The following APC variants were observed in gnomAD, a reference collection of about 807,000 sequenced individuals.
APC encodes the protein APC regulator of Wnt signaling pathway.
APC carries 72 observed loss-of-function variants against 247.0 expected under a neutral mutation model. That is an observed-to-expected ratio of 0.29 (90% CI 0.24 to 0.35). The LOEUF (loss-of-function observed/expected upper bound fraction) is 0.35. Among genes scored for constraint, APC ranks in the 10% least tolerant of loss-of-function variants. The probability of loss-of-function intolerance (pLI) is 1.00; values close to 1 mark genes in which losing one functional copy is unlikely to be tolerated. For synonymous variants in APC, 1,254 were observed against 1,162.5 expected (o/e 1.08, Z -1.60); for missense variants, 3,400 against 3,360.7 (o/e 1.01, Z -0.29).
At chr5:112,730,953 T>C (rs1752069478) in intron 1 of APC, among the ~76,000 whole-genome samples, 2 of 152,064 alleles carry the variant, frequency 1.3e-5, no homozygotes, top group African/African-American at 4.8e-5. Context: ...ATGTTTTATC[T>C]CTCTCTGCTT....
intron 9 of APC, among the ~76,000 whole-genome samples, chr5:112,816,723 G>A (rs988155185): frequency 9.9e-5 from 15 of 151,704 alleles, no homozygotes; most frequent in African/African-American, 3.6e-4. Flanking sequence ...AACCTGGGAG[G>A]CGGAGGTTGC....
intron 1 of APC, among the ~76,000 whole-genome samples, chr5:112,716,296 T>G (rs1244508685): frequency 1.3e-5 from 2 of 152,190 alleles, no homozygotes; most frequent in Non-Finnish European, 2.9e-5. Flanking sequence ...ATAATTCACT[T>G]AAGATGTTTT....
At chr5:112,792,984 A>G (rs1188719009) in intron 7 of APC, among the ~76,000 whole-genome samples, 1 of 152,158 alleles carries the variant, frequency 6.6e-6, no homozygotes, top group Non-Finnish European at 1.5e-5. Flanking sequence ...GCAGGTAAAC[A>G]AGTGATAACA....
At chr5:112,728,035 A>G (rs1242481560) in intron 1 of APC, among the ~76,000 whole-genome samples, 1 of 152,168 alleles carries the variant, frequency 6.6e-6, no homozygotes, top group Non-Finnish European at 1.5e-5. Context: ...AATGCGGCCC[A>G]ACACAAATTC....
At chr5:112,718,044 T>A (rs1010286325) in intron 1 of APC, among the ~76,000 whole-genome samples, 9 of 150,034 alleles carry the variant, frequency 6.0e-5, no homozygotes, top group Non-Finnish European at 1.2e-4. Flanking sequence ...ACTCATTCAG[T>A]AAATACCTAA....
chr5:112,711,742 G>A (rs1043362898), intron 1 of APC, among the ~76,000 whole-genome samples: 1 of 152,160 alleles, frequency 6.6e-6, no homozygotes, highest in African/African-American at 2.4e-5. Flanking sequence ...AAAACCCAAA[G>A]AGATGTTTTG....
At position 112,738,290 on chromosome 5, in the gene APC, A is replaced by G. The variant is rs1213634865; in HGVS notation, c.-19+365A>G. ...TAGAGGACAACAAAGAATGGAGCAT[A>G]TTCATGGCGAGGAGCAAAAGCTCTA... is the stretch of plus-strand genomic sequence containing the variant. On this transcript the variant is annotated intron_variant, in intron 1 of 15. Transcript: ENST00000257430. The G allele has an allele frequency of 4.1e-6, 4 of 985,378 alleles. No homozygotes were observed. In the African/African-American group the frequency reaches 7.0e-5, roughly 17 times the overall value. The allele number at this position is 985,378 out of a possible 1,614,324, so 61.0% of individuals were successfully genotyped here. A position where few individuals can be genotyped will look rare whatever the true frequency, so the allele number is the denominator to read the frequency against.
intron 7 of APC, among the ~76,000 whole-genome samples, chr5:112,794,859 T>A (rs1450923670): frequency 1.3e-5 from 2 of 152,148 alleles, no homozygotes; most frequent in African/African-American, 4.8e-5. Flanking sequence ...AGTGCTATAC[T>A]TAGGATTAAC....
At position 112,842,335 on chromosome 5, in the gene APC, TA is replaced by T. The variant is rs773874693; in HGVS notation, c.6747del (p.Gly2250AlafsTer29). The T allele has an allele frequency of 6.2e-7, 1 of 1,613,854 alleles. No homozygotes were observed. The highest frequency in any genetic ancestry group is 8.5e-7 in the Non-Finnish European group (1 of 1,179,840). ...NSSSSTSPVS[K>X]KGPPLKTPAS... ...GCTCCTCAAGTACAAGTCCTGTTTC[TA>T]AAAAAGGCCCACCCCTTAAGACTCC... On this transcript the variant is annotated frameshift_variant, in exon 16 of 16. Transcript: ENST00000257430. LOFTEE classifies it high-confidence loss of function.
chr5:112,723,459 T>C (rs1358852976), intron 1 of APC, among the ~76,000 whole-genome samples: 2 of 151,248 alleles, frequency 1.3e-5, no homozygotes, highest in Non-Finnish European at 3.0e-5. Flanking sequence ...TCAGACCCCA[T>C]CTCAAAAAAA....
chr5:112,841,960 A>T lies in APC; in HGVS notation c.6366A>T (p.Ala2122=), dbSNP rs370948574. Reference sequence around the variant, plus strand: ...GTTTACATCAAGCTGCTGCTGCTGCATGTTTATCTAGACAAGCTTCGTCTG... The same window carrying T: ...GTTTACATCAAGCTGCTGCTGCTGCTTGTTTATCTAGACAAGCTTCGTCTG... The part of the protein sequence containing the change: ...VSSLHQAAAA[A]CLSRQASSDS... The change falls in exon 16 of 16, where the codon GCA becomes GCT. Residue 2122 remains alanine, a synonymous_variant. Coordinates refer to ENST00000257430, the MANE Select transcript of APC (RefSeq NM_000038.6). This position sits in a 1 kb window ranked among gnomAD's most constrained non-coding sequence, Gnocchi z 4.6. 19 of 1,613,474 alleles carry T rather than the reference A, an allele frequency of 1.2e-5. No homozygotes were observed. Among genetic ancestry groups the T allele is most frequent in the Non-Finnish European group, 1.6e-5 (19 of 1,179,466 alleles).
chr5:112,834,052 A>G (rs926633270), intron 14 of APC, among the ~76,000 whole-genome samples: 1 of 151,786 alleles, frequency 6.6e-6, no homozygotes, highest in South Asian at 2.1e-4. Context: ...CCCAGGCGCA[A>G]GTGATCCTCC....
intron 6 of APC, chr5:112,783,917 A>G (rs1398765680): frequency 4.5e-6 from 1 of 223,100 alleles, no homozygotes; most frequent in Non-Finnish European, 9.2e-6. Context: ...ATGCTTAAAC[A>G]TCACTACACA....
At chr5:112,719,541 CTTT>C (rs550443158) in intron 1 of APC, among the ~76,000 whole-genome samples, 5 of 134,078 alleles carry the variant, frequency 3.7e-5, no homozygotes, top group African/African-American at 5.5e-5. Flanking sequence ...AATAATAATT[CTTT>C]TTTTTTTTTT....
intron 1 of APC, among the ~76,000 whole-genome samples, chr5:112,739,919 A>T (rs1752799098): frequency 6.6e-6 from 1 of 152,200 alleles, no homozygotes; most frequent in South Asian, 2.1e-4. Context: ...TTTTTATTTT[A>T]AATGTTAGAG....
intron 6 of APC, among the ~76,000 whole-genome samples, chr5:112,783,955 A>G (rs1758662843): frequency 1.3e-5 from 2 of 151,984 alleles, no homozygotes; most frequent in African/African-American, 4.8e-5. Flanking sequence ...AAAGTAAGGT[A>G]CTATTTTTTT....
intron 1 of APC, among the ~76,000 whole-genome samples, chr5:112,752,033 T>G (rs1396345660): frequency 6.6e-6 from 1 of 152,088 alleles, no homozygotes; most frequent in Non-Finnish European, 1.5e-5. Flanking sequence ...TTTCTAATAG[T>G]GACTTTTTCA....
chr5:112,722,537 C>T (rs953967609), intron 1 of APC, among the ~76,000 whole-genome samples: 52 of 152,052 alleles, frequency 3.4e-4, no homozygotes, highest in Non-Finnish European at 6.8e-4. Context: ...AGGTTGAGGG[C>T]TCAGGCCCCA....
Position 112,841,035 on chromosome 5 carries a change from A to G in APC, c.5441A>G (p.Gln1814Arg), listed in dbSNP as rs786202960. ...VFSDNKDSKK[Q>R]NLKNNSKVFN... ...TCAGACAACAAAGATTCAAAGAAAC[A>G]GAATTTGAAAAATAATTCCAAGGTC... Residue 1814 changes from glutamine to arginine, a missense_variant, in exon 16 of 16, where the codon CAG becomes CGG. This residue lies in a region of APC where 1,788 missense variants were observed against 1,649.5 expected (regional missense o/e 1.08). Coordinates refer to ENST00000257430, the MANE Select transcript of APC (RefSeq NM_000038.6). The surrounding 1 kb of genome is among the most constrained non-coding windows in gnomAD (Gnocchi z 4.6). 1 of 1,610,982 alleles carries G rather than the reference A, an allele frequency of 6.2e-7. No individual in the cohort carries two copies. The highest frequency in any genetic ancestry group is 8.5e-7 in the Non-Finnish European group (1 of 1,177,274).
Sources: allele counts gnomAD v4.1 joint callset (sites outside exome capture counted in the v4.1 genomes callset), GRCh38; gene constraint gnomAD v4.1.1; regional missense constraint gnomAD v4.1.1; non-coding constraint Gnocchi (gnomAD v3.1); transcripts MANE v1.5; gene names NCBI Gene and HGNC (gene_info 2026-07-23, HGNC 2026-07-21).